HM13: variants seen among roughly 807,000 people sequenced by gnomAD.
The protein encoded by HM13 is histocompatibility minor 13, also known as signal peptide peptidase.
Under a neutral mutation model 50.0 loss-of-function variants are expected in HM13, and 18 were observed. The ratio of observed to expected loss-of-function variants is 0.36; its 90% CI spans 0.25 to 0.53. The LOEUF is 0.53. Among genes scored for constraint, HM13 ranks in the 20% least tolerant of loss-of-function variants. The pLI is 0.90. For missense variants in HM13, 393 were observed against 552.4 expected (o/e 0.71, Z 2.89); for synonymous variants, 197 against 232.6 (o/e 0.85, Z 1.39).
chr20:31,519,877 CT>C (rs2122536244), intron 1 of HM13, among the ~76,000 whole-genome samples: 1 of 138,634 alleles, frequency 7.2e-6, no homozygotes, highest in South Asian at 2.2e-4. Context: ...CAGTCTCGCT[CT>C]GTTGCCCAGG....
intron 4 of HM13, chr20:31,547,306 G>A (rs1045426838): frequency 3.8e-5 from 10 of 266,642 alleles, no homozygotes; most frequent in African/African-American, 2.1e-4. Context: ...CAGTCGTGAC[G>A]TGGCGTTCAG....
intron 1 of HM13, among the ~76,000 whole-genome samples, chr20:31,525,991 T>A (rs1555839213): frequency 6.6e-6 from 1 of 151,820 alleles, no homozygotes; most frequent in Non-Finnish European, 1.5e-5. Context: ...CCAGGTATGG[T>A]GGCATGTGCC....
intron 3 of HM13, chr20:31,538,986 A>G: frequency 1.3e-6 from 1 of 781,086 alleles, no homozygotes; most frequent in Non-Finnish European, 1.6e-6. Context: ...CAGAGAGGTT[A>G]AGAAATTTGC....
chr20:31,561,624 T>C lies in HM13; in HGVS notation c.846-10T>C. On this transcript the variant is annotated splice_polypyrimidine_tract_variant and intron_variant, in intron 9 of 12. Transcript: ENST00000398174. ...AACCCTCCTCCTCTTTCTTCACACC[T>C]TCCCTGCAGCTTGAAGAAGAATACC... The C allele has an allele frequency of 6.3e-7, 1 of 1,584,674 alleles. No individual in the cohort carries two copies. The highest frequency in any genetic ancestry group is 1.7e-5 in the Admixed American group (1 of 59,950).
At chr20:31,564,851 C>CAA (rs11476071) in intron 10 of HM13, among the ~76,000 whole-genome samples, 4 of 116,678 alleles carry the variant, frequency 3.4e-5, no homozygotes, top group Admixed American at 9.1e-5. Flanking sequence ...CTCAAAATCA[C>CAA]AAAAAAAAAA....
At chr20:31,553,865 A>T (rs1984158945) in intron 7 of HM13, among the ~76,000 whole-genome samples, 1 of 152,074 alleles carries the variant, frequency 6.6e-6, no homozygotes, top group South Asian at 2.1e-4. Context: ...CTTCAGAACA[A>T]GGGCCAACAT....
chr20:31,526,031 C>T (rs1257626595), intron 1 of HM13, among the ~76,000 whole-genome samples: 3 of 151,954 alleles, frequency 2.0e-5, no homozygotes, highest in Non-Finnish European at 2.9e-5. Flanking sequence ...GAGGCTGAGG[C>T]GGGAGAATTG....
intron 1 of HM13, among the ~76,000 whole-genome samples, chr20:31,526,217 T>G (rs6058023): frequency 0.31 from 46,387 of 151,438 alleles, 11,710 homozygotes; most frequent in African/African-American, 0.7. Flanking sequence ...AGTGTTCAGT[T>G]GTGCGATCTC....
intron 2 of HM13, among the ~76,000 whole-genome samples, chr20:31,533,587 G>T (rs938310887): frequency 1.3e-5 from 2 of 152,228 alleles, no homozygotes; most frequent in East Asian, 3.9e-4. Flanking sequence ...TTGCCCAGGT[G>T]AACAGGTGCC....
intron 2 of HM13, among the ~76,000 whole-genome samples, chr20:31,533,254 A>G (rs942473001): frequency 2.0e-5 from 3 of 152,144 alleles, no homozygotes; most frequent in African/African-American, 4.8e-5. Context: ...TGTAATCCCA[A>G]CGCTTTGGGA....
intron 3 of HM13, among the ~76,000 whole-genome samples, chr20:31,544,222 AC>A (rs1983596465): frequency 1.3e-5 from 2 of 152,214 alleles, no homozygotes; most frequent in Non-Finnish European, 2.9e-5. Context: ...CAGTACTGCC[AC>A]CAGGCTGGGT....
intron 10 of HM13, among the ~76,000 whole-genome samples, chr20:31,563,692 C>T (rs1008607577): frequency 6.6e-6 from 1 of 152,190 alleles, no homozygotes; most frequent in African/African-American, 2.4e-5. Flanking sequence ...CCACCTATGA[C>T]AGATGGCAAG....
At chr20:31,556,424 T>C (rs1017683725) in intron 8 of HM13, among the ~76,000 whole-genome samples, 3 of 152,208 alleles carry the variant, frequency 2.0e-5, no homozygotes, top group African/African-American at 4.8e-5. Flanking sequence ...TAGGATATTA[T>C]AGCAATTCTG....
chr20:31,561,864 C>A (rs1447321318), intron 10 of HM13, 128 bp downstream of exon 10: 1 of 700,042 alleles, frequency 1.4e-6, no homozygotes, highest in Non-Finnish European at 2.6e-6. Flanking sequence ...GCAGTCATGT[C>A]TGTGATTCTC....
chr20:31,554,540 GGT>G (rs1984202057), intron 7 of HM13: 2 of 504,026 alleles, frequency 4.0e-6, no homozygotes, highest in Admixed American at 6.6e-5. Context: ...AAATTAGCTG[GGT>G]GCGGTGGTGG....
chr20:31,548,123 T>A (rs1983825180), intron 4 of HM13: 1 of 987,778 alleles, frequency 1.0e-6, no homozygotes. Flanking sequence ...TGTCTGTGTG[T>A]GACAGCGTGA....
At chr20:31,556,349 A>G (rs1021580164) in intron 8 of HM13, among the ~76,000 whole-genome samples, 2 of 152,106 alleles carry the variant, frequency 1.3e-5, no homozygotes, top group Admixed American at 6.6e-5. Flanking sequence ...GACCCCGTCT[A>G]TATTTTTTAA....
intron 1 of HM13, among the ~76,000 whole-genome samples, chr20:31,518,083 T>G (rs1246282989): frequency 6.6e-6 from 1 of 151,204 alleles, no homozygotes; most frequent in Non-Finnish European, 1.5e-5. Flanking sequence ...TTGCCCGGGC[T>G]GGAGTGCAAT....
At chr20:31,548,106 G>A in intron 4 of HM13, 1 of 1,147,098 alleles carries the variant, frequency 8.7e-7, no homozygotes, top group Non-Finnish European at 1.3e-6. Flanking sequence ...TGTCGTATGT[G>A]TGTTTGTGTC....
Sources: gnomAD v4.1 joint callset for allele counts (sites outside exome capture counted in the v4.1 genomes callset) on GRCh38, gnomAD v4.1.1 for gene constraint, MANE v1.5 for transcripts, NCBI Gene and HGNC (gene_info 2026-07-23, HGNC 2026-07-21) for gene names.